The following GNL3L variants were observed in gnomAD, a reference collection of about 807,000 sequenced individuals.
GNL3L encodes guanine nucleotide-binding protein-like 3-like protein.
A neutral mutation model predicts 42.9 loss-of-function variants in GNL3L; 4 were observed. The observed-to-expected ratio is 0.09, with a 90% CI of 0.05 to 0.21. The LOEUF (loss-of-function observed/expected upper bound fraction) is 0.21, where lower values mean the gene tolerates loss of function less well. GNL3L is among the 10% of genes least tolerant of loss of function. The pLI is 1.00. For synonymous variants in GNL3L, 159 were observed against 176.3 expected (o/e 0.90, Z 0.78); for missense variants, 412 against 481.7 (o/e 0.86, Z 1.36).
chrX:54,555,924 C>T (rs1925082855), intron 14 of GNL3L, among the ~76,000 whole-genome samples: 1 of 110,201 alleles, frequency 9.1e-6, no homozygotes. Context: ...TATGATGACT[C>T]CTAGAGGTTT....
In GNL3L at chrX:54,551,875, A is replaced by G; in HGVS notation, c.1082A>G (p.His361Arg). Reference protein sequence around the residue: ...YGVSGFQTTEHFLTAVAHRLG... With the variant: ...YGVSGFQTTERFLTAVAHRLG... ...GTCTCTGGGTTCCAGACCACTGAGC[A>G]CTTTCTGACGGCAGTGGCCCACCGT... is the stretch of plus-strand genomic sequence containing the variant. The change falls in exon 12 of 16, where the codon CAC (histidine) becomes CGC (arginine). Residue 361 changes from histidine (H) to arginine (R), a missense_variant. His to Arg is a conservative substitution (Grantham distance 29). Coordinates refer to ENST00000360845, the MANE Select transcript of GNL3L (RefSeq NM_001184819.2). 8.3e-7 allele frequency: 1 copy of G among 1,210,528 alleles called. No homozygotes were observed. The highest frequency in any genetic ancestry group is 1.8e-5 in the South Asian group (1 of 56,986).
intron 8 of GNL3L, among the ~76,000 whole-genome samples, chrX:54,547,526 G>A (rs1271224111): frequency 9.1e-6 from 1 of 110,321 alleles, no homozygotes; most frequent in Admixed American, 9.7e-5. Context: ...CCAACATGGC[G>A]AAACTCTGTC....
chrX:54,590,951 C>A, intron 16 of GNL3L, among the ~76,000 whole-genome samples: 1 of 110,520 alleles, frequency 9.0e-6, no homozygotes, highest in Middle Eastern at 4.6e-3. Flanking sequence ...CTGCCTCAGC[C>A]TCCTGAGTAA....
At chrX:54,581,563 C>A (rs1471181345) in intron 16 of GNL3L, among the ~76,000 whole-genome samples, 1 of 112,417 alleles carries the variant, frequency 8.9e-6, no homozygotes, top group South Asian at 3.6e-4. Flanking sequence ...CCACCCACTT[C>A]TTTGCTGTCA....
chrX:54,551,496 C>T, intron 10 of GNL3L, 72 bp from the exon 11 acceptor site: 1 of 947,416 alleles, frequency 1.1e-6, no homozygotes, highest in South Asian at 2.1e-5. Flanking sequence ...ACTCCCACAT[C>T]CCAGGCCCAC....
chrX:54,637,209 A>G, the GNL3L span, among the ~76,000 whole-genome samples: 1 of 111,273 alleles, frequency 9.0e-6, no homozygotes, highest in Non-Finnish European at 1.9e-5. Context: ...TACTGCCTCC[A>G]TCATTTTCTA....
chrX:54,607,143 C>CTTTG (rs1926108363), intron 16 of GNL3L, among the ~76,000 whole-genome samples: 1 of 49,872 alleles, frequency 2.0e-5, no homozygotes, highest in African/African-American at 6.6e-5. Flanking sequence ...CTTTCTTTGT[C>CTTTG]TCTCTCTCTC....
chrX:54,550,075 G>A (rs1370138089), intron 9 of GNL3L, among the ~76,000 whole-genome samples: 1 of 107,907 alleles, frequency 9.3e-6, no homozygotes, highest in Non-Finnish European at 1.9e-5. Context: ...ATGAGAGACA[G>A]ACAAATTGGC....
chrX:54,635,586 G>A, the GNL3L span, among the ~76,000 whole-genome samples: 1 of 111,024 alleles, frequency 9.0e-6, no homozygotes, highest in African/African-American at 3.3e-5. Context: ...TTTAATTTAT[G>A]TGAAGGCTAT....
chrX:54,622,580 C>T (rs997568554), downstream of GNL3L, among the ~76,000 whole-genome samples: 1 of 109,995 alleles, frequency 9.1e-6, no homozygotes, highest in African/African-American at 3.3e-5. Context: ...CCACTGCACC[C>T]GGCCGAGTTG....
At chrX:54,610,433 C>A (rs1322544636) in intron 16 of GNL3L, among the ~76,000 whole-genome samples, 1 of 111,140 alleles carries the variant, frequency 9.0e-6, no homozygotes, top group Non-Finnish European at 1.9e-5. Context: ...TTTTCCAGTT[C>A]TCAGAGGGAA....
chrX:54,622,273 ATTTTTTTTTTTTTTT>A (rs773487259), downstream of GNL3L, among the ~76,000 whole-genome samples: 8 of 59,016 alleles, frequency 1.4e-4, no homozygotes, highest in Admixed American at 7.0e-4. Flanking sequence ...AGTTGCAGGA[ATTTTTTTTTTTTTTT>A]TTTTTTTTTT....
the GNL3L span, among the ~76,000 whole-genome samples, chrX:54,630,742 C>T: frequency 4.3e-4 from 29 of 67,531 alleles, no homozygotes; most frequent in South Asian, 0.017. Flanking sequence ...CTTTCTTTCT[C>T]TTTCTTTCCC....
chrX:54,573,966 G>A (rs774372094), intron 16 of GNL3L, among the ~76,000 whole-genome samples: 2 of 106,687 alleles, frequency 1.9e-5, no homozygotes, highest in South Asian at 8.1e-4. Context: ...TTTGAGCTTT[G>A]TTCTTTGATG....
chrX:54,532,012 C>G (rs1037421118), intron 1 of GNL3L, among the ~76,000 whole-genome samples: 8 of 110,725 alleles, frequency 7.2e-5, no homozygotes, highest in African/African-American at 2.6e-4. Context: ...CCCTTTTCCC[C>G]AGGGTAGACT....
chrX:54,615,548 C>G (rs144690934), intron 16 of GNL3L, among the ~76,000 whole-genome samples: 187 of 111,530 alleles, frequency 1.7e-3, no homozygotes, highest in African/African-American at 5.6e-3. Flanking sequence ...TTTTAAAAAC[C>G]CAATAAAAGG....
At chrX:54,571,733 G>A (rs1218510965), downstream of GNL3L, among the ~76,000 whole-genome samples, 1 of 109,158 alleles carries the variant, frequency 9.2e-6, no homozygotes, top group Non-Finnish European at 1.9e-5. Context: ...TGCCTTGGTG[G>A]GTTTTTTTCT....
chrX:54,577,195 C>T (rs185967107), intron 16 of GNL3L, among the ~76,000 whole-genome samples: 1 of 112,159 alleles, frequency 8.9e-6, no homozygotes, highest in Non-Finnish European at 1.9e-5. Flanking sequence ...CTTAGCATAA[C>T]GTTTTCAAGG....
At chrX:54,625,871 A>G (rs768448385), downstream of GNL3L, among the ~76,000 whole-genome samples, 1 of 104,018 alleles carries the variant, frequency 9.6e-6, no homozygotes, top group East Asian at 2.9e-4. Flanking sequence ...ATGTGTATAT[A>G]CATATATGTT....
Sources: gnomAD v4.1 joint callset for allele counts (sites outside exome capture counted in the v4.1 genomes callset) on GRCh38, gnomAD v4.1.1 for gene constraint, MANE v1.5 for transcripts, NCBI Gene and HGNC (gene_info 2026-07-23, HGNC 2026-07-21) for gene names.